Variants in NAALADL2 observed in about 807,000 individuals in gnomAD.
The protein encoded by NAALADL2 is inactive N-acetylated-alpha-linked acidic dipeptidase-like protein 2.
A neutral mutation model predicts 87.2 loss-of-function variants in NAALADL2; 76 were observed. The observed-to-expected ratio is 0.87, with a 90% CI of 0.72 to 1.05. NAALADL2 has a LOEUF of 1.05. Ranked by LOEUF, NAALADL2 falls within the 50% of genes least tolerant of loss-of-function variation. The pLI, the probability that NAALADL2 is intolerant of heterozygous loss-of-function variation, is 0.00. For synonymous variants in NAALADL2, 354 were observed against 331.0 expected (o/e 1.07, Z -0.75); for missense variants, 1,089 against 945.8 (o/e 1.15, Z -1.99).
intron 2 of NAALADL2, among the ~76,000 whole-genome samples, chr3:175,220,589 CCTT>C (rs1040574256): frequency 3.9e-5 from 6 of 151,940 alleles, no homozygotes; most frequent in Admixed American, 2.6e-4. Flanking sequence ...CCTTCTCCCT[CCTT>C]CTTTTTCTTT....
intron 1 of NAALADL2, among the ~76,000 whole-genome samples, chr3:174,986,677 T>C (rs1200849055): frequency 6.6e-6 from 1 of 152,136 alleles, no homozygotes; most frequent in African/African-American, 2.4e-5. Flanking sequence ...TGTATTCCAA[T>C]TGCTGATTAA....
At chr3:175,495,778 C>T (rs1728724441) in intron 9 of NAALADL2, among the ~76,000 whole-genome samples, 1 of 151,950 alleles carries the variant, frequency 6.6e-6, no homozygotes, top group African/African-American at 2.4e-5. Context: ...ATATTCTACT[C>T]TTTTCTTTTT....
intron 2 of NAALADL2, among the ~76,000 whole-genome samples, chr3:174,634,204 A>T (rs1399071848): frequency 6.6e-6 from 1 of 152,130 alleles, no homozygotes; most frequent in Non-Finnish European, 1.5e-5. Context: ...AGAAAATATT[A>T]ATACCCTTTC....
chr3:175,593,747 A>T (rs1721857710), intron 10 of NAALADL2, among the ~76,000 whole-genome samples: 1 of 145,594 alleles, frequency 6.9e-6, no homozygotes, highest in African/African-American at 2.5e-5. Flanking sequence ...TCTTCTAAGG[A>T]TGCAGTCATA....
intron 2 of NAALADL2, among the ~76,000 whole-genome samples, chr3:174,685,521 A>G (rs867759676): frequency 2.6e-5 from 4 of 152,080 alleles, no homozygotes; most frequent in Middle Eastern, 3.4e-3. Context: ...AATTTTTTTT[A>G]ATGACAGCCA....
intron 1 of NAALADL2, among the ~76,000 whole-genome samples, chr3:174,502,587 A>G (rs1005604116): frequency 4.6e-5 from 7 of 152,184 alleles, no homozygotes; most frequent in African/African-American, 2.4e-5. Flanking sequence ...ATATTTATGT[A>G]TTATTCAGAT....
At chr3:174,993,372 CACAGGGGTGAGCA>C (rs1201849657) in intron 1 of NAALADL2, among the ~76,000 whole-genome samples, 1 of 152,070 alleles carries the variant, frequency 6.6e-6, no homozygotes, top group Admixed American at 6.6e-5. Context: ...ATGCTGGGAA[CACAGGGGTGAGCA>C]AAACCAGATT....
chr3:175,490,882 T>G (rs935195877), intron 9 of NAALADL2, among the ~76,000 whole-genome samples: 3 of 152,194 alleles, frequency 2.0e-5, no homozygotes, highest in African/African-American at 7.2e-5. Context: ...ATTATTACCT[T>G]ATAGTTAGGA....
chr3:175,131,686 G>A (rs1727907004), intron 2 of NAALADL2, among the ~76,000 whole-genome samples: 3 of 152,144 alleles, frequency 2.0e-5, no homozygotes, highest in Admixed American at 2.0e-4. Context: ...TGGTGGCCGG[G>A]CAGAGGGTCT....
At chr3:175,679,838 A>T (rs1444749246) in intron 11 of NAALADL2, among the ~76,000 whole-genome samples, 1 of 152,172 alleles carries the variant, frequency 6.6e-6, no homozygotes, top group Non-Finnish European at 1.5e-5. Flanking sequence ...CTGAGCAAAA[A>T]TTTCTCAGTG....
At chr3:175,185,175 GT>G (rs879861889) in intron 2 of NAALADL2, among the ~76,000 whole-genome samples, 1 of 152,068 alleles carries the variant, frequency 6.6e-6, no homozygotes, top group Non-Finnish European at 1.5e-5. Context: ...CTATTAAATG[GT>G]GTACTTGTGA....
chr3:174,799,945 C>T (rs190604213), intron 3 of NAALADL2, among the ~76,000 whole-genome samples: 6 of 152,184 alleles, frequency 3.9e-5, no homozygotes, highest in Admixed American at 6.5e-5. Context: ...TGGCATTTTG[C>T]CCCTGCCCTA....
chr3:174,892,277 C>T (rs1346428443), intron 1 of NAALADL2, among the ~76,000 whole-genome samples: 2 of 152,124 alleles, frequency 1.3e-5, no homozygotes. Flanking sequence ...ACCTTTCAGA[C>T]AGAGAATTCA....
At chr3:174,731,304 T>C (rs554053346) in intron 2 of NAALADL2, among the ~76,000 whole-genome samples, 1 of 152,266 alleles carries the variant, frequency 6.6e-6, no homozygotes, top group East Asian at 1.9e-4. Flanking sequence ...ATTGCTTTGA[T>C]ATTTCAATCT....
At chr3:175,334,167 T>C (rs2110519196) in intron 5 of NAALADL2, among the ~76,000 whole-genome samples, 1 of 152,292 alleles carries the variant, frequency 6.6e-6, no homozygotes, top group Non-Finnish European at 1.5e-5. Context: ...TTAGAATCAA[T>C]ATCTGGGTGC....
intron 2 of NAALADL2, among the ~76,000 whole-genome samples, chr3:174,684,758 C>A (rs963257670): frequency 2.6e-5 from 4 of 151,952 alleles, no homozygotes; most frequent in Non-Finnish European, 5.9e-5. Context: ...GTTTTCTGAT[C>A]AAAATGATTA....
intron 2 of NAALADL2, among the ~76,000 whole-genome samples, chr3:174,565,889 C>T (rs73042623): frequency 1.3e-5 from 2 of 152,132 alleles, no homozygotes; most frequent in African/African-American, 4.8e-5. Flanking sequence ...TCCCATCAGA[C>T]ATTTCCTTTT....
At chr3:174,588,383 A>T (rs943280991) in intron 2 of NAALADL2, among the ~76,000 whole-genome samples, 16 of 152,200 alleles carry the variant, frequency 1.1e-4, no homozygotes, top group Non-Finnish European at 5.9e-5. Flanking sequence ...AACTCATCAA[A>T]GTCATTTTCC....
At chr3:175,608,307 T>G (rs530871613) in intron 10 of NAALADL2, among the ~76,000 whole-genome samples, 21 of 150,866 alleles carry the variant, frequency 1.4e-4, no homozygotes, top group Non-Finnish European at 3.1e-4. Flanking sequence ...ATTAAAATAT[T>G]GTTCCTCTTT....
Sources: gnomAD v4.1 joint callset for allele counts (sites outside exome capture counted in the v4.1 genomes callset) on GRCh38, gnomAD v4.1.1 for gene constraint, MANE v1.5 for transcripts, NCBI Gene and HGNC (gene_info 2026-07-23, HGNC 2026-07-21) for gene names.